Variants in C12orf76 observed in about 807,000 individuals in gnomAD.
C12orf76 encodes the protein uncharacterized protein C12orf76.
In C12orf76, 6 loss-of-function variants were observed where a neutral mutation model predicts 6.8. The observed-to-expected ratio is 0.88, with a 90% CI of 0.48 to 1.73. The LOEUF is 1.73. C12orf76 is among the 40% of genes most tolerant of loss of function. The probability of loss-of-function intolerance (pLI) is 0.01; values close to 1 mark genes in which losing one functional copy is unlikely to be tolerated. For missense variants in C12orf76, 99 were observed against 98.2 expected, an observed-to-expected ratio of 1.01 and a Z score of -0.03; for synonymous variants, 56 against 43.7, an observed-to-expected ratio of 1.28 and a Z score of -1.11.
Position 110,048,518 on chromosome 12 carries a change from G to A in C12orf76, c.-23C>T. The A allele has an allele frequency of 7.2e-7, 1 of 1,384,230 alleles. No homozygotes were observed. Among genetic ancestry groups the A allele is most frequent in the Non-Finnish European group, 9.3e-7 (1 of 1,075,590 alleles). The allele number at this position is 1,384,230 out of a possible 1,614,324, so 85.7% of individuals were successfully genotyped here. ...CATCTTCCCCAGCCCTGCAGAAGCA[G>A]AGAGGCCACTTCCGTCGCAAGCCCT... On this transcript the variant is annotated 5_prime_UTR_variant, in exon 1 of 2. Coordinates refer to ENST00000615315, the MANE Select transcript of C12orf76 (RefSeq NM_001389625.1).
chr12:110,071,198 A>G (rs1368765614), upstream of C12orf76, among the ~76,000 whole-genome samples: 4 of 152,224 alleles, frequency 2.6e-5, no homozygotes, highest in Admixed American at 1.3e-4. Context: ...GCTATGTGCC[A>G]TATATTTCTT....
intron 2 of C12orf76, among the ~76,000 whole-genome samples, chr12:110,062,969 C>G (rs1470204759): frequency 6.7e-6 from 1 of 149,244 alleles, no homozygotes. Flanking sequence ...TTTTTAGAGT[C>G]TCGCTTGGCT....
chr12:110,042,051 T>A lies in C12orf76; in HGVS notation c.*323A>T, dbSNP rs756229703. The A allele has an allele frequency of 1.6e-4, 59 of 367,190 alleles. No individual in the cohort carries two copies. Among genetic ancestry groups the A allele is most frequent in the African/African-American group, 9.6e-4 (48 of 50,068 alleles). 22.7% of individuals were successfully genotyped at this position (367,190 alleles called of 1,614,324 possible). A position where few individuals can be genotyped will look rare whatever the true frequency, so the allele number is the denominator to read the frequency against. ...GATGAGTTCTTTACAGTGTGGTTCT[T>A]ACAGGCACTCACAAGGTTACCATGT... On this transcript the variant is annotated 3_prime_UTR_variant, in exon 2 of 2. Transcript: ENST00000615315.
intron 4 of C12orf76, among the ~76,000 whole-genome samples, chr12:110,055,450 A>G (rs561824821): frequency 3.9e-5 from 6 of 152,110 alleles, no homozygotes; most frequent in African/African-American, 1.4e-4. Flanking sequence ...CAGGTGATCC[A>G]CCCACCTCAG....
intron 2 of C12orf76, among the ~76,000 whole-genome samples, chr12:110,060,115 A>C (rs1354174392): frequency 6.6e-6 from 1 of 152,166 alleles, no homozygotes; most frequent in Non-Finnish European, 1.5e-5. Flanking sequence ...ATTCCCAGCT[A>C]CTCAGAAAGC....
intron 2 of C12orf76, among the ~76,000 whole-genome samples, chr12:110,060,148 C>T (rs563692149): frequency 9.2e-5 from 14 of 152,240 alleles, no homozygotes; most frequent in African/African-American, 3.4e-4. Context: ...ATAGCTTGAA[C>T]CCCAGAGGCG....
rs548548472 is a variant in C12orf76 at position 110,057,131 on chromosome 12, T to G, written n.664+58A>C. ...GGAGACGAAGGTGTCCACCATAAAG[T>G]TGTTCTTCAGAGTCCCAATCCACAT... On this transcript the variant is annotated intron_variant and non_coding_transcript_variant, in intron 4 of 4. Transcript: ENST00000309050. 36 of 1,202,878 alleles carry G rather than the reference T, an allele frequency of 3.0e-5. No individual in the cohort carries two copies. In the East Asian group the frequency reaches 7.5e-4, roughly 25 times the overall value. The allele number at this position is 1,202,878 out of a possible 1,614,324, so 74.5% of individuals were successfully genotyped here.
upstream of C12orf76, among the ~76,000 whole-genome samples, chr12:110,052,191 C>A (rs961007634): frequency 6.7e-6 from 1 of 149,656 alleles, no homozygotes. Context: ...CCACCGTGCC[C>A]GGCCTTCTTT....
upstream of C12orf76, chr12:110,050,144 A>T (rs1892551871): frequency 6.6e-6 from 1 of 152,166 alleles, no homozygotes; most frequent in Non-Finnish European, 1.5e-5. Context: ...TATATTCAGT[A>T]ACTGTTTGCT....
At chr12:110,047,361 C>T (rs1566072950) in intron 1 of C12orf76, among the ~76,000 whole-genome samples, 1 of 152,276 alleles carries the variant, frequency 6.6e-6, no homozygotes, top group East Asian at 1.9e-4. Context: ...CAAATAACTT[C>T]ACTTCTCTGA....
Position 110,042,296 on chromosome 12 carries a change from G to T in C12orf76, c.*78C>A. 1 of 1,231,974 alleles carries T rather than the reference G, an allele frequency of 8.1e-7. No individual in the cohort carries two copies. The highest frequency in any genetic ancestry group is 1.2e-6 in the Non-Finnish European group (1 of 837,412). The allele number at this position is 1,231,974 out of a possible 1,614,324, so 76.3% of individuals were successfully genotyped here. A position where few individuals can be genotyped will look rare whatever the true frequency, so the allele number is the denominator to read the frequency against. On this transcript the variant is annotated 3_prime_UTR_variant, in exon 2 of 2. Coordinates refer to ENST00000615315, the MANE Select transcript of C12orf76 (RefSeq NM_001389625.1). ...GTCATTTCCAAGTAGGAAAGTTTTG[G>T]TTCCAACTTCTCCACTGGCCTGTGT...
chr12:110,065,257 G>A (rs969467182), intron 2 of C12orf76, among the ~76,000 whole-genome samples: 10 of 150,788 alleles, frequency 6.6e-5, no homozygotes, highest in African/African-American at 2.2e-4. Flanking sequence ...TGCAACCTCC[G>A]CCTCCTGGAT....
chr12:110,057,193 G>C (rs1205429439), exon 4 of C12orf76: 1 of 1,605,338 alleles, frequency 6.2e-7, no homozygotes, highest in Admixed American at 1.7e-5. Flanking sequence ...ACTTACCTTG[G>C]CATTGCAGGT....
intron 1 of C12orf76, among the ~76,000 whole-genome samples, chr12:110,046,647 A>G (rs1343848658): frequency 3.3e-5 from 5 of 152,128 alleles, no homozygotes; most frequent in African/African-American, 1.2e-4. Context: ...ACAATGTCAA[A>G]CTGTTAAGTT....
At chr12:110,064,293 C>T (rs1219985863) in intron 2 of C12orf76, among the ~76,000 whole-genome samples, 1 of 152,184 alleles carries the variant, frequency 6.6e-6, no homozygotes, top group Non-Finnish European at 1.5e-5. Flanking sequence ...GCTTGGGTCT[C>T]ATACTGTGTC....
intron 3 of C12orf76, chr12:110,058,935 C>T (rs537579741): frequency 1.4e-6 from 2 of 1,475,134 alleles, no homozygotes; most frequent in Non-Finnish European, 1.8e-6. Context: ...TACTCCCCCC[C>T]ACCAAAAAAA....
upstream of C12orf76, chr12:110,048,818 T>C (rs746987109): frequency 2.7e-4 from 76 of 285,284 alleles, no homozygotes; most frequent in Non-Finnish European, 4.1e-4. Flanking sequence ...TTGGGGCCTA[T>C]TGAAGATTTT....
chr12:110,052,198 C>CT (rs535081029), upstream of C12orf76, among the ~76,000 whole-genome samples: 316 of 134,346 alleles, frequency 2.4e-3, 1 homozygote, highest in Middle Eastern at 4.5e-3. Flanking sequence ...GCCCGGCCTT[C>CT]TTTTTTTTTT....
upstream of C12orf76, chr12:110,049,734 A>AG (rs1471362696): frequency 6.6e-6 from 1 of 152,232 alleles, no homozygotes; most frequent in East Asian, 1.9e-4. Flanking sequence ...TGCAAGTCAC[A>AG]GGGGATGCGA....
Sources: allele counts gnomAD v4.1 joint callset (sites outside exome capture counted in the v4.1 genomes callset), GRCh38; gene constraint gnomAD v4.1.1; transcripts MANE v1.5; gene names NCBI Gene and HGNC (gene_info 2026-07-23, HGNC 2026-07-21).